Variants in ESYT3 observed in about 807,000 individuals in gnomAD.
ESYT3 encodes the protein extended synaptotagmin-3.
ESYT3 carries 101 observed loss-of-function variants against 111.5 expected under a neutral mutation model. The observed-to-expected ratio is 0.91, with a 90% CI of 0.77 to 1.07. The LOEUF (loss-of-function observed/expected upper bound fraction) is 1.07, where lower values mean the gene tolerates loss of function less well. Among genes scored for constraint, ESYT3 ranks in the 50% least tolerant of loss-of-function variants. ESYT3 has a pLI of 0.00. For synonymous variants in ESYT3, 416 were observed against 446.8 expected (o/e 0.93, Z 0.87); for missense variants, 1,097 against 1,109.4 (o/e 0.99, Z 0.16).
intron 2 of ESYT3, among the ~76,000 whole-genome samples, chr3:138,453,783 C>T (rs1284545860): frequency 6.6e-6 from 1 of 152,206 alleles, no homozygotes; most frequent in Non-Finnish European, 1.5e-5. Flanking sequence ...GAAACCCAGT[C>T]ACTCCTCTTA....
intron 1 of ESYT3, among the ~76,000 whole-genome samples, chr3:138,443,738 G>GTA (rs2031331966): frequency 6.7e-6 from 1 of 148,844 alleles, no homozygotes; most frequent in Admixed American, 6.6e-5. Context: ...TTGTGCATCT[G>GTA]TGTGTGTGTG....
chr3:138,466,903 T>G (rs1471832329), intron 10 of ESYT3, among the ~76,000 whole-genome samples: 1 of 152,100 alleles, frequency 6.6e-6, no homozygotes, highest in East Asian at 1.9e-4. Flanking sequence ...CCCCGCTTCT[T>G]TTTAACAACC....
At chr3:138,461,925 T>C (rs1000012206) in intron 7 of ESYT3, among the ~76,000 whole-genome samples, 161 bp from the exon 8 acceptor site, 1 of 152,030 alleles carries the variant, frequency 6.6e-6, no homozygotes, top group Admixed American at 6.5e-5. Flanking sequence ...TCACGATGTA[T>C]AGGCACACCC....
At chr3:138,473,194 T>C (rs1232617338) in intron 18 of ESYT3, 1 of 1,138,072 alleles carries the variant, frequency 8.8e-7, no homozygotes, top group East Asian at 3.4e-5. Context: ...ATGAAGGGTT[T>C]ACTATGGGCT....
intron 2 of ESYT3, among the ~76,000 whole-genome samples, chr3:138,453,689 C>A (rs2032088334): frequency 6.6e-6 from 1 of 152,158 alleles, no homozygotes. Context: ...GTAACGCAGG[C>A]AGAGGTGCAT....
At chr3:138,462,744 C>CCTCCACCTCCTGGGCTCAA (rs2032715615) in intron 8 of ESYT3, among the ~76,000 whole-genome samples, 1 of 152,170 alleles carries the variant, frequency 6.6e-6, no homozygotes, top group South Asian at 2.1e-4. Flanking sequence ...CTCACTGCAG[C>CCTCCACCTCCTGGGCTCAA]CTCCACCTCC....
chr3:138,467,219 A>G (rs891941329), intron 10 of ESYT3, among the ~76,000 whole-genome samples: 4 of 152,160 alleles, frequency 2.6e-5, no homozygotes, highest in African/African-American at 4.8e-5. Flanking sequence ...TCTGCAATGC[A>G]TGGGTAGTTT....
chr3:138,445,673 G>A (rs772690323), intron 1 of ESYT3, among the ~76,000 whole-genome samples: 1 of 152,168 alleles, frequency 6.6e-6, no homozygotes, highest in Non-Finnish European at 1.5e-5. Context: ...CGTACTTGAG[G>A]TCAGAGGGGT....
At chr3:138,475,487 T>C (rs2033435781) in intron 20 of ESYT3, among the ~76,000 whole-genome samples, 1 of 152,122 alleles carries the variant, frequency 6.6e-6, no homozygotes, top group African/African-American at 2.4e-5. Context: ...CCTTACTCCA[T>C]AGGAGGTGGC....
intron 2 of ESYT3, 32 bp from the exon 3 acceptor site, chr3:138,455,162 T>C (rs1284826382): frequency 6.2e-7 from 1 of 1,613,254 alleles, no homozygotes; most frequent in Non-Finnish European, 8.5e-7. Flanking sequence ...GGTACAGACC[T>C]GACTACCAAG....
chr3:138,451,916 C>G (rs900273382), intron 1 of ESYT3, 132 bp from the exon 2 acceptor site: 2 of 986,708 alleles, frequency 2.0e-6, no homozygotes, highest in South Asian at 1.4e-5. Flanking sequence ...CTGTGACCGA[C>G]GTGGAGGCGG....
downstream of ESYT3, chr3:138,481,460 G>C (rs1229866111): frequency 6.6e-6 from 1 of 151,908 alleles, no homozygotes; most frequent in African/African-American, 2.4e-5. Context: ...TCTGCTTCCT[G>C]GGTTCAAGTG....
At chr3:138,481,031 G>A (rs2033679030), downstream of ESYT3, 1 of 152,204 alleles carries the variant, frequency 6.6e-6, no homozygotes, top group Admixed American at 6.5e-5. Flanking sequence ...GGATATTCAT[G>A]TGAGAAAATA....
chr3:138,481,193 A>G (rs1480757880), downstream of ESYT3: 1 of 152,244 alleles, frequency 6.6e-6, no homozygotes, highest in African/African-American at 2.4e-5. Flanking sequence ...CGCAAAGAGC[A>G]CTAACTAAAA....
In ESYT3 at chr3:138,434,798, G is replaced by T; in HGVS notation, c.-1G>T. The T allele has an allele frequency of 6.5e-7, 1 of 1,548,966 alleles. No homozygotes were observed. The highest frequency in any genetic ancestry group is 8.7e-7 in the Non-Finnish European group (1 of 1,152,112). On this transcript the variant is annotated 5_prime_UTR_variant, in exon 1 of 23. Transcript: ENST00000389567. ...GGGAAGGGCAAGACTGCGGCGACGA[G>T]ATGCGAGCAGAGGAGCCCTGCGCCC...
chr3:138,474,963 A>G (rs1474932652), intron 20 of ESYT3, among the ~76,000 whole-genome samples: 1 of 152,228 alleles, frequency 6.6e-6, no homozygotes, highest in Non-Finnish European at 1.5e-5. Flanking sequence ...GGTTCTAAAA[A>G]GACATTTCTA....
intron 10 of ESYT3, 65 bp downstream of exon 10, chr3:138,465,486 G>C: frequency 7.7e-7 from 1 of 1,305,410 alleles, no homozygotes; most frequent in Non-Finnish European, 1.1e-6. Flanking sequence ...TGCTGGGCTA[G>C]ATACCCTGCT....
intron 7 of ESYT3, among the ~76,000 whole-genome samples, chr3:138,461,638 C>T (rs1197434820): frequency 1.3e-5 from 2 of 152,174 alleles, no homozygotes; most frequent in Non-Finnish European, 2.9e-5. Flanking sequence ...CCCTGTCCCC[C>T]GGTATCAGGA....
rs558868015 is a variant in ESYT3 at position 138,455,214 on chromosome 3, C to G, written c.390C>G (p.Pro130=). The change falls in exon 3 of 23, where the codon CCC becomes CCG. Residue 130 remains proline, a synonymous_variant. Transcript: ENST00000389567. The stretch of plus-strand genomic sequence containing the variant: ...CACAGATCATCTCTCAGACCTGGCC[C>G]TACCTAAGCATGATCATGGAAAGCA... ...WANKIISQTW[P]YLSMIMESKF... is the part of the protein sequence containing the mutation. 5.0e-6 allele frequency: 8 copies of G among 1,614,050 alleles called. No individual in the cohort carries two copies. Among genetic ancestry groups the G allele is most frequent in the South Asian group, 1.1e-5 (1 of 91,078 alleles).
Sources: gnomAD v4.1 joint callset for allele counts (sites outside exome capture counted in the v4.1 genomes callset) on GRCh38, gnomAD v4.1.1 for gene constraint, MANE v1.5 for transcripts, NCBI Gene and HGNC (gene_info 2026-07-23, HGNC 2026-07-21) for gene names.